The following VPS13B variants were observed in gnomAD, a reference collection of about 807,000 sequenced individuals.
VPS13B encodes the protein vacuolar protein sorting 13 homolog B.
VPS13B carries 285 observed loss-of-function variants against 426.4 expected under a neutral mutation model. The observed-to-expected ratio is 0.67, with a 90% CI of 0.61 to 0.74. The LOEUF is 0.74. Ranked by LOEUF, VPS13B falls within the 30% of genes least tolerant of loss-of-function variation. The pLI is 0.00. For synonymous variants in VPS13B, 1,676 were observed against 1,676.4 expected, an observed-to-expected ratio of 1.00 and a Z score of 0.01; for missense variants, 4,537 against 4,782.6, an observed-to-expected ratio of 0.95 and a Z score of 1.51.
chr8:99,042,831 G>T (rs1843034472), intron 3 of VPS13B, among the ~76,000 whole-genome samples: 1 of 152,104 alleles, frequency 6.6e-6, no homozygotes, highest in African/African-American at 2.4e-5. Flanking sequence ...ATAGATTTAG[G>T]TGACCTGATC....
rs1487024 is a variant in VPS13B, at chr8:99,556,365, C to T, written c.4746-85C>T. 243,146 of 1,414,800 alleles carry T rather than the reference C, an allele frequency of 0.17. 23,891 individuals are homozygous for T. The highest frequency in any genetic ancestry group is 0.39 in the Admixed American group (20,129 of 51,674). The allele number at this position is 1,414,800 out of a possible 1,614,324, so 87.6% of individuals were successfully genotyped here. A position where few individuals can be genotyped will look rare whatever the true frequency, so the allele number is the denominator to read the frequency against. ...CCAAAGGAAAAAAATGGTATTGACA[C>T]TATGTTAGTGAACAAAATAAACATA... On this transcript the variant is annotated intron_variant, in intron 30 of 61. Transcript: ENST00000357162.
At chr8:99,160,449 A>T (rs1811585492) in intron 15 of VPS13B, among the ~76,000 whole-genome samples, 1 of 152,088 alleles carries the variant, frequency 6.6e-6, no homozygotes, top group Admixed American at 6.6e-5. Flanking sequence ...ACTTGAGCCC[A>T]GGAGGTCGAG....
At chr8:99,573,444 A>G (rs1291086354) in intron 31 of VPS13B, among the ~76,000 whole-genome samples, 1 of 152,194 alleles carries the variant, frequency 6.6e-6, no homozygotes, top group Non-Finnish European at 1.5e-5. Context: ...TCTAACATTT[A>G]AGTCTTTAAT....
intron 17 of VPS13B, among the ~76,000 whole-genome samples, chr8:99,223,059 C>T (rs551661653): frequency 6.6e-6 from 1 of 152,228 alleles, no homozygotes; most frequent in African/African-American, 2.4e-5. Context: ...AACTCCTGAC[C>T]TCAAGTGATC....
chr8:99,275,331 A>G, intron 19 of VPS13B, 77 bp downstream of exon 19: 2 of 1,292,500 alleles, frequency 1.5e-6, no homozygotes, highest in Admixed American at 3.0e-5. Context: ...TAAAATTGGT[A>G]TATATTTTTT....
intron 16 of VPS13B, among the ~76,000 whole-genome samples, chr8:99,182,699 G>C (rs1202904658): frequency 6.6e-6 from 1 of 152,118 alleles, no homozygotes. Flanking sequence ...TGGAGAAGGA[G>C]TTACAAATAT....
At chr8:99,687,282 G>A (rs1036616709) in intron 35 of VPS13B, among the ~76,000 whole-genome samples, 1 of 151,960 alleles carries the variant, frequency 6.6e-6, no homozygotes, top group African/African-American at 2.4e-5. Flanking sequence ...CCAGAGCTGC[G>A]AGCTGTGCTG....
chr8:99,840,936 G>T (rs80068033), intron 54 of VPS13B, among the ~76,000 whole-genome samples: 1,715 of 152,286 alleles, frequency 0.011, 39 homozygotes, highest in African/African-American at 0.039. Context: ...CACCTTCCCA[G>T]TACTCCAGGG....
intron 39 of VPS13B, among the ~76,000 whole-genome samples, chr8:99,758,928 G>A (rs562215448): frequency 2.8e-4 from 42 of 152,226 alleles, no homozygotes; most frequent in Non-Finnish European, 4.7e-4. Context: ...CGTTCTTTTT[G>A]TCTCAAGGCC....
At chr8:99,411,433 T>C (rs1006925597) in intron 21 of VPS13B, among the ~76,000 whole-genome samples, 1 of 152,200 alleles carries the variant, frequency 6.6e-6, no homozygotes, top group Admixed American at 6.5e-5. Flanking sequence ...TGTAAATTTG[T>C]TTAAGTTCTT....
chr8:99,700,045 G>C, intron 36 of VPS13B, 113 bp downstream of exon 36: 1 of 1,321,794 alleles, frequency 7.6e-7, no homozygotes, highest in South Asian at 1.5e-5. Context: ...AGTTGTAAAG[G>C]CCATTAGAGA....
At chr8:99,559,951 T>C (rs1824812194) in intron 31 of VPS13B, among the ~76,000 whole-genome samples, 1 of 152,136 alleles carries the variant, frequency 6.6e-6, no homozygotes, top group Admixed American at 6.5e-5. Context: ...AAGAAAGTCA[T>C]TGGTAGCTTG....
chr8:99,478,292 G>A (rs764688693), intron 24 of VPS13B, among the ~76,000 whole-genome samples: 20 of 151,344 alleles, frequency 1.3e-4, no homozygotes, highest in East Asian at 1.9e-4. Context: ...TTTATTTATC[G>A]TTTTTATTGC....
chr8:99,658,867 G>A (rs764593392), intron 34 of VPS13B, among the ~76,000 whole-genome samples: 5 of 152,120 alleles, frequency 3.3e-5, no homozygotes, highest in Non-Finnish European at 5.9e-5. Flanking sequence ...TCAGGCTGGC[G>A]TGCAGTGGCA....
At chr8:99,374,998 C>A (rs1813405631) in intron 19 of VPS13B, among the ~76,000 whole-genome samples, 1 of 152,294 alleles carries the variant, frequency 6.6e-6, no homozygotes, top group African/African-American at 2.4e-5. Context: ...TTTCATTCTC[C>A]TGCTTCGCAC....
chr8:99,093,045 T>G (rs1846228106), intron 3 of VPS13B, among the ~76,000 whole-genome samples: 2 of 152,082 alleles, frequency 1.3e-5, no homozygotes, highest in Non-Finnish European at 2.9e-5. Context: ...AAATTAAATA[T>G]GTCAAGCACT....
intron 17 of VPS13B, among the ~76,000 whole-genome samples, chr8:99,210,615 A>G (rs974314665): frequency 9.2e-5 from 14 of 152,058 alleles, no homozygotes; most frequent in African/African-American, 3.4e-4. Context: ...ATATATATAT[A>G]TATTTTTGAG....
intron 56 of VPS13B, among the ~76,000 whole-genome samples, chr8:99,858,305 C>A (rs960792922): frequency 6.2e-4 from 94 of 152,350 alleles, no homozygotes; most frequent in African/African-American, 2.2e-3. Flanking sequence ...AAGGGCAGTG[C>A]CTGCCAGACT....
At chr8:99,067,133 C>T (rs1383339721) in intron 3 of VPS13B, among the ~76,000 whole-genome samples, 1 of 152,108 alleles carries the variant, frequency 6.6e-6, no homozygotes, top group Non-Finnish European at 1.5e-5. Flanking sequence ...CCCAGCCATC[C>T]CGTTACTAGG....
Sources: gnomAD v4.1 joint callset for allele counts (sites outside exome capture counted in the v4.1 genomes callset) on GRCh38, gnomAD v4.1.1 for gene constraint, MANE v1.5 for transcripts, NCBI Gene and HGNC (gene_info 2026-07-23, HGNC 2026-07-21) for gene names.